Variants in UGT2B4 observed in about 807,000 individuals in gnomAD.
The protein encoded by UGT2B4 is UDP-glucuronosyltransferase 2B4.
UGT2B4 carries 49 observed loss-of-function variants against 49.8 expected under a neutral mutation model. That is an observed-to-expected ratio of 0.98 (90% CI 0.78 to 1.25). UGT2B4 has a LOEUF of 1.25. Ranked by LOEUF, UGT2B4 falls within the 50% of genes most tolerant of loss-of-function variation. The pLI is 0.00. For missense variants in UGT2B4, 729 were observed against 627.7 expected, an observed-to-expected ratio of 1.16 and a Z score of -1.73; for synonymous variants, 246 against 217.7, an observed-to-expected ratio of 1.13 and a Z score of -1.14.
intron 1 of UGT2B4, among the ~76,000 whole-genome samples, chr4:69,520,197 A>C (rs1022122847): frequency 1.3e-5 from 2 of 152,230 alleles, no homozygotes; most frequent in African/African-American, 4.8e-5. Context: ...ACTTGACACA[A>C]TTACAGACAT....
intron 3 of UGT2B4, 103 bp downstream of exon 3, chr4:69,489,336 A>G: frequency 6.8e-7 from 1 of 1,479,900 alleles, no homozygotes; most frequent in Non-Finnish European, 9.2e-7. Context: ...GTGCTTTCCC[A>G]ACAGCTGAAT....
At chr4:69,522,792 A>G (rs1157966771) in intron 1 of UGT2B4, among the ~76,000 whole-genome samples, 2 of 152,162 alleles carry the variant, frequency 1.3e-5, no homozygotes, top group Non-Finnish European at 2.9e-5. Context: ...GTCTGACAGC[A>G]TTTTACCCAT....
intron 1 of UGT2B4, among the ~76,000 whole-genome samples, chr4:69,510,703 G>C (rs1160048602): frequency 2.0e-5 from 3 of 151,928 alleles, no homozygotes; most frequent in African/African-American, 4.8e-5. Context: ...TGAATTATTA[G>C]TTTTAAGAGT....
intron 1 of UGT2B4, among the ~76,000 whole-genome samples, chr4:69,514,931 C>T (rs1161868131): frequency 6.6e-6 from 1 of 152,098 alleles, no homozygotes; most frequent in Non-Finnish European, 1.5e-5. Context: ...AAAATAAAGA[C>T]ATTACATAAT....
rs376288561 is a variant in UGT2B4, at chr4:69,493,857, A to T, written c.722-16T>A. ...GTGGGTCTTCCTGATGGGGGAAAAA[A>T]AAAGAAAAGATAGATGACACAAGAT... is the stretch of plus-strand genomic sequence containing the variant. On this transcript the variant is annotated splice_polypyrimidine_tract_variant and intron_variant, in intron 1 of 5. Coordinates refer to ENST00000305107, the MANE Select transcript of UGT2B4 (RefSeq NM_021139.3). 3.2e-5 allele frequency: 50 copies of T among 1,582,276 alleles called. No individual in the cohort carries two copies. The highest frequency in any genetic ancestry group is 7.7e-5 in the Admixed American group (4 of 52,208).
chr4:69,500,661 GAAAGA>G (rs1560438432), upstream of UGT2B4, among the ~76,000 whole-genome samples: 71 of 117,752 alleles, frequency 6.0e-4, no homozygotes, highest in African/African-American at 1.6e-3. Context: ...AAGAAAGAAA[GAAAGA>G]AAGGAAGGAA....
intron 1 of UGT2B4, among the ~76,000 whole-genome samples, chr4:69,521,988 G>T (rs1728860506): frequency 6.6e-6 from 1 of 152,152 alleles, no homozygotes; most frequent in Admixed American, 6.5e-5. Flanking sequence ...TAACACTGAT[G>T]ATTTAACGGG....
chr4:69,523,830 T>G (rs1294449089), intron 1 of UGT2B4, among the ~76,000 whole-genome samples: 1 of 152,174 alleles, frequency 6.6e-6, no homozygotes. Flanking sequence ...TGTGTTAATC[T>G]TCACCAATTA....
intron 1 of UGT2B4, among the ~76,000 whole-genome samples, chr4:69,508,881 C>A (rs1188019764): frequency 3.3e-5 from 5 of 152,114 alleles, no homozygotes; most frequent in Non-Finnish European, 7.4e-5. Flanking sequence ...GTGTAAAATA[C>A]AATACTGTTA....
In UGT2B4 at chr4:69,495,263, T is replaced by C; in HGVS notation, c.599A>G (p.Glu200Gly). 1 of 1,613,482 alleles carries C rather than the reference T, an allele frequency of 6.2e-7. No individual in the cohort carries two copies. The highest frequency in any genetic ancestry group is 8.5e-7 in the Non-Finnish European group (1 of 1,179,766). The change falls in exon 1 of 6, where the codon GAA (glutamate) becomes GGA (glycine). Residue 200 changes from glutamate (E) to glycine (G), a missense_variant. Transcript: ENST00000305107. ...PPSYVPVVMS[E>G]LSDQMTFIER... ...TATGAAAGTCATTTGGTCACTTAGT[T>C]CTGACATAACAACAGGCACATAGGA...
chr4:69,493,606 T>A, intron 2 of UGT2B4, 87 bp downstream of exon 2: 1 of 1,451,060 alleles, frequency 6.9e-7, no homozygotes, highest in Non-Finnish European at 9.1e-7. Context: ...TCCACCTTTC[T>A]TCCAGTGTAA....
chr4:69,483,015 C>G (rs1300836417), intron 5 of UGT2B4, among the ~76,000 whole-genome samples: 3 of 152,002 alleles, frequency 2.0e-5, no homozygotes, highest in African/African-American at 7.3e-5. Context: ...ATTAATAATT[C>G]TGTCATAAAC....
chr4:69,520,959 C>G (rs1728837669), intron 1 of UGT2B4, among the ~76,000 whole-genome samples: 1 of 152,286 alleles, frequency 6.6e-6, no homozygotes, highest in African/African-American at 2.4e-5. Flanking sequence ...ATTATGGTGC[C>G]TTTTCCATGC....
intron 1 of UGT2B4, among the ~76,000 whole-genome samples, chr4:69,523,631 T>C (rs7678186): frequency 0.35 from 53,474 of 151,956 alleles, 9,521 homozygotes; most frequent in Non-Finnish European, 0.37. Context: ...GGCTGTTAGA[T>C]TTCCTGATAA....
intron 1 of UGT2B4, among the ~76,000 whole-genome samples, chr4:69,521,435 T>G (rs1336404875): frequency 6.6e-6 from 1 of 152,166 alleles, no homozygotes; most frequent in Admixed American, 6.5e-5. Flanking sequence ...TGTGGGTGAC[T>G]GCAGCAGAAG....
intron 2 of UGT2B4, among the ~76,000 whole-genome samples, chr4:69,492,947 T>C (rs1728034510): frequency 6.6e-6 from 1 of 152,100 alleles, no homozygotes; most frequent in Non-Finnish European, 1.5e-5. Flanking sequence ...TTAAAAACTA[T>C]AATCTTATCC....
intron 2 of UGT2B4, among the ~76,000 whole-genome samples, chr4:69,492,343 C>T (rs1157926669): frequency 2.0e-5 from 3 of 152,028 alleles, no homozygotes; most frequent in Non-Finnish European, 4.4e-5. Context: ...TTAGTAAAAT[C>T]AAGTGAACAC....
chr4:69,503,303 G>T (rs1243778271), intron 1 of UGT2B4, among the ~76,000 whole-genome samples: 1 of 152,136 alleles, frequency 6.6e-6, no homozygotes, highest in Non-Finnish European at 1.5e-5. Context: ...AGCTTCTGCA[G>T]CAGTGGACTG....
At chr4:69,482,841 C>G (rs1194596719) in intron 5 of UGT2B4, among the ~76,000 whole-genome samples, 8 of 149,924 alleles carry the variant, frequency 5.3e-5, no homozygotes, top group Non-Finnish European at 1.2e-4. Flanking sequence ...CTCCTGACAT[C>G]GTGATCCACC....
Sources: gnomAD v4.1 joint callset for allele counts (sites outside exome capture counted in the v4.1 genomes callset) on GRCh38, gnomAD v4.1.1 for gene constraint, MANE v1.5 for transcripts, NCBI Gene and HGNC (gene_info 2026-07-23, HGNC 2026-07-21) for gene names.